Variants in NYAP2 observed in about 807,000 individuals in gnomAD.
NYAP2 encodes neuronal tyrosine-phosphorylated phosphoinositide-3-kinase adaptor 2.
In NYAP2, 23 loss-of-function variants were observed where a neutral mutation model predicts 50.4. The observed-to-expected ratio is 0.46, with a 90% confidence interval of 0.33 to 0.65. NYAP2 has a LOEUF of 0.65. NYAP2 is among the 30% of genes least tolerant of loss of function. The pLI, the probability that NYAP2 is intolerant of heterozygous loss-of-function variation, is 0.02. For missense variants in NYAP2, 885 were observed against 861.0 expected, an observed-to-expected ratio of 1.03 and a Z score of -0.35; for synonymous variants, 394 against 365.2, an observed-to-expected ratio of 1.08 and a Z score of -0.90.
At chr2:225,668,270 T>C in the NYAP2 span, among the ~76,000 whole-genome samples, 2 of 152,302 alleles carry the variant, frequency 1.3e-5, no homozygotes, top group African/African-American at 2.4e-5. Flanking sequence ...GAGTTCACCA[T>C]GCTTAGCAAG....
chr2:225,612,747 C>CG (rs1444477410), intron 5 of NYAP2, among the ~76,000 whole-genome samples: 1 of 54,014 alleles, frequency 1.9e-5, no homozygotes, highest in African/African-American at 4.7e-5. Flanking sequence ...GGAGGCCCCC[C>CG]CCTTACAATC....
At chr2:225,683,278 A>C in the NYAP2 span, among the ~76,000 whole-genome samples, 1 of 152,156 alleles carries the variant, frequency 6.6e-6, no homozygotes. Flanking sequence ...CCCACAGGCA[A>C]TATCCCTTGA....
At chr2:225,531,835 C>G (rs572942774) in intron 4 of NYAP2, among the ~76,000 whole-genome samples, 2 of 152,168 alleles carry the variant, frequency 1.3e-5, no homozygotes, top group African/African-American at 4.8e-5. Flanking sequence ...CTGGCTCTTT[C>G]GGTTTGTAAA....
intron 6 of NYAP2, among the ~76,000 whole-genome samples, chr2:225,636,234 G>T (rs1268904169): frequency 6.6e-6 from 1 of 152,218 alleles, no homozygotes; most frequent in East Asian, 1.9e-4. Context: ...AGCATGATGA[G>T]TAGGAGCCAG....
chr2:225,702,140 C>T, the NYAP2 span: 1 of 151,674 alleles, frequency 6.6e-6, no homozygotes, highest in African/African-American at 2.4e-5. Context: ...GGAATTCACA[C>T]TTGCAAAGAA....
chr2:225,650,123 G>A (rs541238683), intron 6 of NYAP2, among the ~76,000 whole-genome samples: 5 of 152,272 alleles, frequency 3.3e-5, no homozygotes, highest in South Asian at 4.2e-4. Context: ...GTAAGTAGGC[G>A]TAAGCTTACT....
intron 4 of NYAP2, among the ~76,000 whole-genome samples, chr2:225,573,134 A>G (rs74595195): frequency 2.6e-5 from 4 of 151,928 alleles, no homozygotes; most frequent in Non-Finnish European, 4.4e-5. Flanking sequence ...TATTTTTTCA[A>G]TGAGATACCC....
At chr2:225,667,087 G>A in the NYAP2 span, among the ~76,000 whole-genome samples, 1 of 152,034 alleles carries the variant, frequency 6.6e-6, no homozygotes, top group Non-Finnish European at 1.5e-5. Context: ...ATTTGTGCAA[G>A]CTAAAAAAAT....
intron 3 of NYAP2, among the ~76,000 whole-genome samples, chr2:225,492,685 T>G (rs1690430161): frequency 6.6e-6 from 1 of 152,092 alleles, no homozygotes; most frequent in Admixed American, 6.5e-5. Context: ...CCTCAGGAAG[T>G]GTTTACTCAT....
intron 5 of NYAP2, among the ~76,000 whole-genome samples, chr2:225,624,581 T>C (rs1418403291): frequency 6.6e-6 from 1 of 152,226 alleles, no homozygotes; most frequent in Non-Finnish European, 1.5e-5. Flanking sequence ...CCAAGCTAGT[T>C]ACTGTAGATA....
rs553880944 is a variant in NYAP2 at position 225,507,916 on chromosome 2, C to G, written c.222-5455C>G. Among the ~76,000 whole-genome samples the G allele has an allele frequency of 7.9e-5, 12 of 152,344 alleles. No homozygotes were observed. The South Asian group carries it at 2.3e-3, about 29-fold the overall frequency. ...GTTATACAGCTGCTAAATAATGGCTCTGGGATAGTCTATAACTCCATGATT... is the reference window on the plus strand; with the variant it reads ...GTTATACAGCTGCTAAATAATGGCTGTGGGATAGTCTATAACTCCATGATT... On this transcript the variant is annotated intron_variant, in intron 3 of 6. Coordinates refer to ENST00000636099, the Ensembl canonical transcript of NYAP2.
rs1247377863 is a variant in NYAP2 at position 225,506,748 on chromosome 2, C to T, written c.222-6623C>T. Among the ~76,000 whole-genome samples the T allele has an allele frequency of 2.6e-5, 4 of 152,152 alleles. No homozygotes were observed. In the East Asian group the frequency reaches 7.7e-4, roughly 29 times the overall value. On this transcript the variant is annotated intron_variant, in intron 3 of 6. Coordinates refer to ENST00000636099, the Ensembl canonical transcript of NYAP2. ...CTATTCATTCATAGAGAAATGCCCA[C>T]ATGAAAGATTCCAAGAGTTAACAGG...
At chr2:225,433,802 G>T (rs1298904188) in intron 3 of NYAP2, among the ~76,000 whole-genome samples, 1 of 124,790 alleles carries the variant, frequency 8.0e-6, no homozygotes, top group Non-Finnish European at 1.6e-5. Flanking sequence ...GGGCGACAGA[G>T]CGAGACTCCG....
chr2:225,433,366 A>T (rs1349591657), intron 3 of NYAP2, among the ~76,000 whole-genome samples: 1 of 152,040 alleles, frequency 6.6e-6, no homozygotes, highest in Non-Finnish European at 1.5e-5. Context: ...TTTAAAAAAA[A>T]AAAAAGCAAT....
intron 4 of NYAP2, among the ~76,000 whole-genome samples, chr2:225,517,534 C>T (rs1451583256): frequency 2.0e-5 from 3 of 152,186 alleles, no homozygotes; most frequent in African/African-American, 4.8e-5. Context: ...TCCAATGGGA[C>T]TGTTTCTTTA....
chr2:225,539,517 G>C (rs1480225738), intron 4 of NYAP2, among the ~76,000 whole-genome samples: 1 of 152,164 alleles, frequency 6.6e-6, no homozygotes, highest in Non-Finnish European at 1.5e-5. Flanking sequence ...ATTGATTCCT[G>C]ACATTTTAAT....
intron 3 of NYAP2, among the ~76,000 whole-genome samples, chr2:225,494,991 C>A (rs1690476812): frequency 6.6e-6 from 1 of 152,156 alleles, no homozygotes; most frequent in Non-Finnish European, 1.5e-5. Context: ...AATTTGGCAA[C>A]AAGATATTCA....
chr2:225,526,145 T>G (rs1691146144), intron 4 of NYAP2, among the ~76,000 whole-genome samples: 1 of 152,212 alleles, frequency 6.6e-6, no homozygotes, highest in Non-Finnish European at 1.5e-5. Flanking sequence ...GCAGAGAACA[T>G]AGCCTTTTGG....
chr2:225,616,677 G>C (rs945729911), intron 5 of NYAP2, among the ~76,000 whole-genome samples: 5 of 152,138 alleles, frequency 3.3e-5, no homozygotes, highest in Admixed American at 6.5e-5. Context: ...ATTGAGCCAA[G>C]GTTTCCCATG....
Sources: gnomAD v4.1 joint callset for allele counts (sites outside exome capture counted in the v4.1 genomes callset) on GRCh38, gnomAD v4.1.1 for gene constraint, MANE v1.5 for transcripts, NCBI Gene and HGNC (gene_info 2026-07-23, HGNC 2026-07-21) for gene names.